Variants in MGST1 observed in about 807,000 individuals in gnomAD.
MGST1 encodes the protein microsomal glutathione S-transferase 1.
A neutral mutation model predicts 8.9 loss-of-function variants in MGST1; 5 were observed. The observed-to-expected ratio is 0.56, with a 90% CI of 0.29 to 1.19. MGST1 has a LOEUF of 1.19. MGST1 is among the 50% of genes most tolerant of loss of function. The pLI, the probability that MGST1 is intolerant of heterozygous loss-of-function variation, is 0.08. For synonymous variants in MGST1, 54 were observed against 67.8 expected (o/e 0.80, Z 1.00); for missense variants, 182 against 187.4 (o/e 0.97, Z 0.17).
intron 3 of MGST1, among the ~76,000 whole-genome samples, chr12:16,371,087 C>A (rs1940284566): frequency 6.6e-6 from 1 of 152,158 alleles, no homozygotes; most frequent in Admixed American, 6.5e-5. Context: ...TCTATTAATT[C>A]TTCTTCAGAC....
chr12:16,489,230 C>G (rs915495153), intron 4 of MGST1, among the ~76,000 whole-genome samples: 3 of 151,954 alleles, frequency 2.0e-5, no homozygotes, highest in Non-Finnish European at 2.9e-5. Context: ...AAATAAATGA[C>G]AGTTTCCAAT....
At chr12:16,416,543 A>T (rs1940789167) in intron 1 of MGST1, among the ~76,000 whole-genome samples, 1 of 151,960 alleles carries the variant, frequency 6.6e-6, no homozygotes, top group South Asian at 2.1e-4. Context: ...TGGCAGGGTG[A>T]GGGGGCAGGG....
intron 4 of MGST1, among the ~76,000 whole-genome samples, chr12:16,526,793 CTGTTTTG>C (rs1394507669): frequency 6.6e-6 from 1 of 151,898 alleles, no homozygotes; most frequent in Non-Finnish European, 1.5e-5. Context: ...GGGAGAAGCC[CTGTTTTG>C]AATGCCAAAA....
At chr12:16,409,883 G>GTTAAA (rs1393257382) in intron 1 of MGST1, among the ~76,000 whole-genome samples, 1 of 152,020 alleles carries the variant, frequency 6.6e-6, no homozygotes, top group Non-Finnish European at 1.5e-5. Context: ...CCTCATCTAA[G>GTTAAA]TTAAATTAAT....
chr12:16,378,639 T>G (rs1940417634), downstream of MGST1, among the ~76,000 whole-genome samples: 1 of 150,016 alleles, frequency 6.7e-6, no homozygotes, highest in South Asian at 2.1e-4. Context: ...GGCTCTTTTT[T>G]GGTTCCATAT....
At position 16,508,144 on chromosome 12, in the gene MGST1, A is replaced by G. The variant is rs556411408; in HGVS notation, n.483-81384A>G. ...TGGCAGGAACCATGCCTTGATTATCATTATACTCCTAAAACCCTATGAAGA... is the reference window on the plus strand; with the variant it reads ...TGGCAGGAACCATGCCTTGATTATCGTTATACTCCTAAAACCCTATGAAGA... On this transcript the variant is annotated intron_variant and non_coding_transcript_variant, in intron 4 of 4. Transcript: ENST00000538857. Among the ~76,000 whole-genome samples the G allele has an allele frequency of 2.3e-4, 35 of 152,298 alleles. No homozygotes were observed. In the South Asian group the frequency reaches 6.8e-3, roughly 30 times the overall value.
intron 4 of MGST1, among the ~76,000 whole-genome samples, chr12:16,453,637 A>G (rs995160886): frequency 2.6e-5 from 4 of 151,938 alleles, no homozygotes; most frequent in African/African-American, 9.7e-5. Flanking sequence ...GTCGGGATCA[A>G]GGTGTTGACA....
chr12:16,528,048 T>C (rs185402153), intron 4 of MGST1, among the ~76,000 whole-genome samples: 199 of 152,166 alleles, frequency 1.3e-3, no homozygotes, highest in Middle Eastern at 0.01. Context: ...ATTCTGCTAC[T>C]GAGTCTGTGA....
intron 4 of MGST1, among the ~76,000 whole-genome samples, chr12:16,483,807 A>G (rs986089937): frequency 6.6e-6 from 1 of 152,202 alleles, no homozygotes; most frequent in Non-Finnish European, 1.5e-5. Flanking sequence ...TAAGAATGTG[A>G]AAGATTTGGG....
intron 1 of MGST1, among the ~76,000 whole-genome samples, chr12:16,385,125 T>G (rs900118129): frequency 1.3e-5 from 2 of 152,188 alleles, no homozygotes; most frequent in African/African-American, 4.8e-5. Context: ...AGAAACTATT[T>G]GCAACTCAGA....
At chr12:16,478,766 T>C in intron 4 of MGST1, among the ~76,000 whole-genome samples, 1 of 152,294 alleles carries the variant, frequency 6.6e-6, no homozygotes. Flanking sequence ...AATTAAACTT[T>C]TAAGGATTTC....
Position 16,544,415 on chromosome 12 carries a change from G to T in MGST1, n.483-45113G>T, listed in dbSNP as rs944873320. On this transcript the variant is annotated intron_variant and non_coding_transcript_variant, in intron 4 of 4. Transcript: ENST00000538857. The surrounding 1 kb of genome is among the most constrained non-coding windows in gnomAD (Gnocchi z 4.8). ...GAAAAAGCCAAATATGATATATGTGGCTTGTTTCTTCTATTGAATGTGTAT... is the reference window on the plus strand; with the variant it reads ...GAAAAAGCCAAATATGATATATGTGTCTTGTTTCTTCTATTGAATGTGTAT... Among the ~76,000 whole-genome samples the T allele has an allele frequency of 6.6e-6, 1 of 151,938 alleles. No individual in the cohort carries two copies. Among genetic ancestry groups the T allele is most frequent in the Non-Finnish European group, 1.5e-5 (1 of 67,938 alleles).
At chr12:16,411,659 A>G (rs1306680978) in intron 1 of MGST1, among the ~76,000 whole-genome samples, 1 of 152,158 alleles carries the variant, frequency 6.6e-6, no homozygotes, top group Non-Finnish European at 1.5e-5. Context: ...ACAGTGTCAT[A>G]ATGAAGTTGT....
chr12:16,398,250 A>T (rs1940623232), intron 1 of MGST1, among the ~76,000 whole-genome samples: 1 of 152,220 alleles, frequency 6.6e-6, no homozygotes, highest in African/African-American at 2.4e-5. Flanking sequence ...CTGCAGTGGG[A>T]CAGGTGGGTG....
chr12:16,479,295 C>T (rs1417723111), intron 4 of MGST1, among the ~76,000 whole-genome samples: 9 of 130,384 alleles, frequency 6.9e-5, no homozygotes, highest in Non-Finnish European at 9.3e-5. Flanking sequence ...AGTGTGGTGG[C>T]GCGATCTGGG....
chr12:16,579,324 G>A (rs1943090002), intron 4 of MGST1, among the ~76,000 whole-genome samples: 1 of 152,180 alleles, frequency 6.6e-6, no homozygotes, highest in Non-Finnish European at 1.5e-5. Flanking sequence ...CAATAGCTGT[G>A]TTTCACAAGG....
At chr12:16,469,359 T>A (rs904004587) in intron 4 of MGST1, among the ~76,000 whole-genome samples, 1 of 152,102 alleles carries the variant, frequency 6.6e-6, no homozygotes, top group East Asian at 1.9e-4. Context: ...CTAATTTTTT[T>A]TGTATTTTTA....
chr12:16,390,955 A>T (rs1013550901), intron 1 of MGST1, among the ~76,000 whole-genome samples: 1 of 151,850 alleles, frequency 6.6e-6, no homozygotes, highest in Non-Finnish European at 1.5e-5. Context: ...TTTCTCCACA[A>T]CCTCTCTAGC....
intron 4 of MGST1, among the ~76,000 whole-genome samples, chr12:16,495,542 C>T (rs989783383): frequency 2.6e-5 from 4 of 152,002 alleles, no homozygotes; most frequent in African/African-American, 9.7e-5. Context: ...AACTTTGATG[C>T]TCATGGTATA....
Sources: allele counts gnomAD v4.1 joint callset (sites outside exome capture counted in the v4.1 genomes callset), GRCh38; gene constraint gnomAD v4.1.1; non-coding constraint Gnocchi (gnomAD v3.1); transcripts MANE v1.5; gene names NCBI Gene and HGNC (gene_info 2026-07-23, HGNC 2026-07-21).